The following CPT1A variants were observed in gnomAD, a reference collection of about 807,000 sequenced individuals.
CPT1A encodes carnitine O-palmitoyltransferase 1, liver isoform.
In CPT1A, 64 loss-of-function variants were observed where a neutral mutation model predicts 100.8. That is an observed-to-expected ratio of 0.63 (90% CI 0.52 to 0.78). The LOEUF (loss-of-function observed/expected upper bound fraction) is 0.78. Ranked by LOEUF, CPT1A falls within the 30% of genes least tolerant of loss-of-function variation. The pLI is 0.00. For missense variants in CPT1A, 802 were observed against 1,034.1 expected (o/e 0.78, Z 3.08); for synonymous variants, 363 against 396.0 (o/e 0.92, Z 0.99).
In CPT1A at chr11:68,780,572, C is replaced by T. The variant is rs1271077077; in HGVS notation, c.1458+68G>A. ...GTGCTGGGATTACAGGTGTGCGCCA[C>T]TGCGCCTGGCCAGGTTTGGATTTTC... On this transcript the variant is annotated intron_variant, in intron 12 of 18. Transcript: ENST00000265641. 13 of 1,412,584 alleles carry T rather than the reference C, an allele frequency of 9.2e-6. No homozygotes were observed. The East Asian group carries it at 2.5e-4, about 27-fold the overall frequency. 87.5% of individuals were successfully genotyped at this position (1,412,584 alleles called of 1,614,324 possible). A position where few individuals can be genotyped will look rare whatever the true frequency, so the allele number is the denominator to read the frequency against.
intron 9 of CPT1A, among the ~76,000 whole-genome samples, chr11:68,790,475 C>T (rs1424738675): frequency 6.6e-6 from 1 of 152,174 alleles, no homozygotes; most frequent in Non-Finnish European, 1.5e-5. Flanking sequence ...GAGAGACACA[C>T]ACACACAGAG....
chr11:68,764,803 G>C (rs866198326), intron 14 of CPT1A, among the ~76,000 whole-genome samples: 1 of 152,262 alleles, frequency 6.6e-6, no homozygotes, highest in South Asian at 2.1e-4. Flanking sequence ...TGAAGGCGTC[G>C]ACAAGAGCAG....
In CPT1A at chr11:68,758,458, C is replaced by T. The variant is rs555120652; in HGVS notation, c.2236-728G>A. Among the ~76,000 whole-genome samples the T allele has an allele frequency of 1.1e-3, 175 of 152,250 alleles. 1 individual carries two copies. The highest frequency in any genetic ancestry group is 2.2e-3 in the Non-Finnish European group (148 of 68,008). ...CATCCACAGAGGAAGCCGGGGGTCC[C>T]CTGCTCTGTATGCAGATTTCTTAGT... On this transcript the variant is annotated intron_variant, in intron 18 of 18. Transcript: ENST00000265641.
At chr11:68,773,186 C>T in intron 14 of CPT1A, 79 bp downstream of exon 14, 1 of 1,601,042 alleles carries the variant, frequency 6.2e-7, no homozygotes, top group South Asian at 1.1e-5. Flanking sequence ...GCCTTCCCTC[C>T]CCACTGGGTG....
In CPT1A at chr11:68,798,129, C is replaced by A. The variant is rs915506195; in HGVS notation, c.693+1089G>T. On this transcript the variant is annotated intron_variant, in intron 6 of 18. Transcript: ENST00000265641. Reference sequence around the variant, plus strand: ...CAGGTGTTGTCTCTATTCCCTGGCACATGTGTCCTGAGGCCACCCAGAGGC... The same window carrying A: ...CAGGTGTTGTCTCTATTCCCTGGCAAATGTGTCCTGAGGCCACCCAGAGGC... Among the ~76,000 whole-genome samples the A allele has an allele frequency of 3.9e-5, 6 of 152,246 alleles. No individual in the cohort carries two copies. The South Asian group carries it at 1.0e-3, about 26-fold the overall frequency.
chr11:68,772,534 G>A (rs1276759094), intron 14 of CPT1A, among the ~76,000 whole-genome samples: 2 of 151,924 alleles, frequency 1.3e-5, no homozygotes, highest in African/African-American at 4.8e-5. Flanking sequence ...GCCAAAATAT[G>A]GCCAGTGCTC....
intron 5 of CPT1A, among the ~76,000 whole-genome samples, chr11:68,803,513 C>G (rs1855960215): frequency 6.6e-6 from 1 of 151,956 alleles, no homozygotes; most frequent in South Asian, 2.1e-4. Context: ...GAGTTCGAGA[C>G]CAGCCTGGCC....
chr11:68,804,835 C>T (rs999363486), intron 4 of CPT1A, among the ~76,000 whole-genome samples: 1 of 152,222 alleles, frequency 6.6e-6, no homozygotes, highest in African/African-American at 2.4e-5. Context: ...GAAGCAGTTT[C>T]TTTCCTTCAG....
intron 3 of CPT1A, 46 bp from the exon 4 acceptor site, chr11:68,807,684 C>A: frequency 6.3e-7 from 1 of 1,595,750 alleles, no homozygotes; most frequent in Non-Finnish European, 8.6e-7. Context: ...TGAGGCCACA[C>A]GGTGCCACCA....
chr11:68,806,633 GAAAAAAAAAAA>G (rs775579381), intron 4 of CPT1A, among the ~76,000 whole-genome samples: 6 of 92,498 alleles, frequency 6.5e-5, no homozygotes, highest in African/African-American at 1.5e-4. Context: ...GTCTCAAAAA[GAAAAAAAAAAA>G]AAAAAAAGCT....
At chr11:68,762,569 G>C (rs1594317530) in intron 15 of CPT1A, 58 bp downstream of exon 15, 2 of 1,605,298 alleles carry the variant, frequency 1.2e-6, no homozygotes, top group East Asian at 4.5e-5. Context: ...ATGGCCTCCA[G>C]AAGCCTTTTA....
At chr11:68,815,535 C>A (rs1856361604) in intron 1 of CPT1A, 48 bp from the exon 2 acceptor site, 1 of 1,582,080 alleles carries the variant, frequency 6.3e-7, no homozygotes, top group Non-Finnish European at 8.7e-7. Flanking sequence ...TGTGACCAGA[C>A]ACTAAAAAAC....
intron 5 of CPT1A, among the ~76,000 whole-genome samples, chr11:68,802,583 T>A (rs990178234): frequency 6.7e-6 from 1 of 149,230 alleles, no homozygotes; most frequent in Non-Finnish European, 1.5e-5. Flanking sequence ...AAAAAAAAAA[T>A]ATTAGCCAGG....
intron 3 of CPT1A, among the ~76,000 whole-genome samples, chr11:68,808,312 G>C (rs1016756563): frequency 6.6e-6 from 1 of 151,750 alleles, no homozygotes; most frequent in Admixed American, 6.6e-5. Context: ...GTTTTTGTTT[G>C]TGAAGGAAGG....
intron 1 of CPT1A, among the ~76,000 whole-genome samples, chr11:68,832,654 A>G (rs373087719): frequency 2.6e-5 from 4 of 152,382 alleles, no homozygotes; most frequent in African/African-American, 9.6e-5. Context: ...CAGTAAGTAT[A>G]AACACCATCA....
At chr11:68,780,565 T>C in intron 12 of CPT1A, 75 bp downstream of exon 12, 1 of 1,288,170 alleles carries the variant, frequency 7.8e-7, no homozygotes. Context: ...ATTACAGGTG[T>C]GCGCCACTGC....
At chr11:68,807,864 C>T (rs1194154985) in intron 3 of CPT1A, among the ~76,000 whole-genome samples, 1 of 152,268 alleles carries the variant, frequency 6.6e-6, no homozygotes, top group African/African-American at 2.4e-5. Context: ...AGCTGGCAGA[C>T]CCAGGCGCCC....
At chr11:68,767,338 G>GT (rs1169633999) in intron 14 of CPT1A, among the ~76,000 whole-genome samples, 1 of 152,188 alleles carries the variant, frequency 6.6e-6, no homozygotes, top group Non-Finnish European at 1.5e-5. Context: ...GCTCACACCT[G>GT]TAATCCCAGC....
chr11:68,781,955 G>C lies in CPT1A; in HGVS notation c.1168C>G (p.Pro390Ala). ...TAGGCCTGACGACACCTGGCCCAGG[G>C]AACTCTGCAGTGAAGATGAAATACG... The part of the protein sequence containing the change: ...LAALTAGDRV[P>A]WARCRQAYFG... The change falls in exon 11 of 19, where the codon CCC becomes GCC. Residue 390 changes from proline to alanine, a missense_variant. Around this residue, in one of 4 missense-constraint regions of CPT1A, gnomAD observed 627 missense variants for 799.3 expected, o/e 0.78. Transcript: ENST00000265641. The C allele has an allele frequency of 6.2e-7, 1 of 1,614,084 alleles. No homozygotes were observed. The highest frequency in any genetic ancestry group is 2.2e-5 in the East Asian group (1 of 44,888).
Sources: allele counts gnomAD v4.1 joint callset (sites outside exome capture counted in the v4.1 genomes callset), GRCh38; gene constraint gnomAD v4.1.1; regional missense constraint gnomAD v4.1.1; transcripts MANE v1.5; gene names NCBI Gene and HGNC (gene_info 2026-07-23, HGNC 2026-07-21).